PRKD1: variants seen among roughly 807,000 people sequenced by gnomAD.
PRKD1 encodes the protein serine/threonine-protein kinase D1.
A neutral mutation model predicts 95.9 loss-of-function variants in PRKD1; 63 were observed. The ratio of observed to expected loss-of-function variants is 0.66; its 90% CI spans 0.54 to 0.81. The LOEUF (loss-of-function observed/expected upper bound fraction) is 0.81. PRKD1 is among the 30% of genes least tolerant of loss of function. PRKD1 has a pLI of 0.00. For synonymous variants in PRKD1, 425 were observed against 423.1 expected, an observed-to-expected ratio of 1.00 and a Z score of -0.05; for missense variants, 1,048 against 1,165.3, an observed-to-expected ratio of 0.90 and a Z score of 1.47.
intron 1 of PRKD1, among the ~76,000 whole-genome samples, chr14:29,774,710 A>C (rs1349811936): frequency 6.6e-6 from 1 of 151,540 alleles, no homozygotes; most frequent in Non-Finnish European, 1.5e-5. Flanking sequence ...CATTATCTTC[A>C]TTTAAAGAGG....
chr14:29,848,750 A>C (rs1892182492), intron 1 of PRKD1, among the ~76,000 whole-genome samples: 1 of 151,702 alleles, frequency 6.6e-6, no homozygotes, highest in South Asian at 2.1e-4. Flanking sequence ...GTCTGCAAAA[A>C]ACACCTGATG....
intron 16 of PRKD1, among the ~76,000 whole-genome samples, chr14:29,590,388 AT>A (rs1385446678): frequency 1.3e-5 from 2 of 152,184 alleles, no homozygotes; most frequent in African/African-American, 4.8e-5. Context: ...TGTGACATTT[AT>A]TAAAAACGTT....
chr14:29,833,716 A>G (rs11624891), intron 1 of PRKD1, among the ~76,000 whole-genome samples: 2,736 of 152,134 alleles, frequency 0.018, 58 homozygotes, highest in South Asian at 0.098. Context: ...CTCCATATCC[A>G]TTTTCTGAGT....
At chr14:29,870,922 G>A (rs954394130) in intron 1 of PRKD1, among the ~76,000 whole-genome samples, 2 of 152,146 alleles carry the variant, frequency 1.3e-5, no homozygotes, top group African/African-American at 4.8e-5. Flanking sequence ...CTATCAACAT[G>A]TTAAGCTATT....
At chr14:29,612,641 T>C (rs1476188130) in intron 13 of PRKD1, among the ~76,000 whole-genome samples, 1 of 152,240 alleles carries the variant, frequency 6.6e-6, no homozygotes, top group Non-Finnish European at 1.5e-5. Context: ...AATATCTATT[T>C]GGAAAATTTT....
intron 1 of PRKD1, among the ~76,000 whole-genome samples, chr14:29,859,020 C>G (rs1293492426): frequency 6.6e-6 from 1 of 152,156 alleles, no homozygotes; most frequent in Non-Finnish European, 1.5e-5. Flanking sequence ...AAGGTCTTTA[C>G]TACTAAACCA....
intron 1 of PRKD1, among the ~76,000 whole-genome samples, chr14:29,810,633 A>T (rs1251939690): frequency 6.6e-6 from 1 of 152,244 alleles, no homozygotes; most frequent in Non-Finnish European, 1.5e-5. Context: ...CATGTAAAGC[A>T]GTTTCAATGT....
chr14:29,927,137 C>T, intron 1 of PRKD1, 112 bp downstream of exon 1: 5 of 1,172,814 alleles, frequency 4.3e-6, no homozygotes, highest in Non-Finnish European at 2.1e-6. Context: ...GCCGGCGAGG[C>T]TGGCGGCCAG....
intron 1 of PRKD1, among the ~76,000 whole-genome samples, chr14:29,823,434 C>T (rs561931750): frequency 6.6e-6 from 1 of 152,074 alleles, no homozygotes; most frequent in Non-Finnish European, 1.5e-5. Context: ...CATTCAAATG[C>T]AAATGTTAAA....
At chr14:29,793,240 T>C (rs1889629732) in intron 1 of PRKD1, among the ~76,000 whole-genome samples, 1 of 151,984 alleles carries the variant, frequency 6.6e-6, no homozygotes, top group Admixed American at 6.6e-5. Flanking sequence ...AAGACATCCA[T>C]TTCTATATCT....
intron 1 of PRKD1, among the ~76,000 whole-genome samples, chr14:29,847,386 G>C (rs1892121252): frequency 6.6e-6 from 1 of 152,070 alleles, no homozygotes; most frequent in Non-Finnish European, 1.5e-5. Flanking sequence ...TATACAACAT[G>C]AGGTTCTTTT....
intron 1 of PRKD1, among the ~76,000 whole-genome samples, chr14:29,910,777 C>A (rs1473567557): frequency 6.6e-6 from 1 of 152,126 alleles, no homozygotes; most frequent in African/African-American, 2.4e-5. Flanking sequence ...GTGATAGAAT[C>A]ACTGATAGAA....
At chr14:29,925,112 T>C (rs930685643) in intron 1 of PRKD1, among the ~76,000 whole-genome samples, 1 of 152,150 alleles carries the variant, frequency 6.6e-6, no homozygotes, top group East Asian at 1.9e-4. Flanking sequence ...AGTCAAACTT[T>C]TCAAACTTCT....
intron 2 of PRKD1, among the ~76,000 whole-genome samples, chr14:29,674,273 A>C (rs573104042): frequency 6.6e-6 from 1 of 152,282 alleles, no homozygotes; most frequent in South Asian, 2.1e-4. Context: ...CTCTTCTACT[A>C]CCTTATAAAG....
chr14:29,770,515 T>G (rs1286262086), intron 1 of PRKD1, among the ~76,000 whole-genome samples: 1 of 152,158 alleles, frequency 6.6e-6, no homozygotes, highest in Admixed American at 6.5e-5. Context: ...CCCATTCTGA[T>G]GAAATCTGAC....
At chr14:29,876,111 T>C (rs1893278582) in intron 1 of PRKD1, among the ~76,000 whole-genome samples, 1 of 152,242 alleles carries the variant, frequency 6.6e-6, no homozygotes, top group Admixed American at 6.5e-5. Context: ...GCCTCCCATT[T>C]GCTTCAGAGG....
At chr14:29,765,249 T>C (rs531976590) in intron 1 of PRKD1, among the ~76,000 whole-genome samples, 2 of 152,106 alleles carry the variant, frequency 1.3e-5, no homozygotes, top group Admixed American at 6.5e-5. Flanking sequence ...ACATAAACAC[T>C]TCACAAAAGA....
chr14:29,589,791 T>C (rs1893063994), intron 16 of PRKD1, among the ~76,000 whole-genome samples: 1 of 152,128 alleles, frequency 6.6e-6, no homozygotes, highest in South Asian at 2.1e-4. Context: ...ATAAAAGATC[T>C]AAATCAGTAA....
chr14:29,923,653 G>A (rs1353824624), intron 1 of PRKD1, among the ~76,000 whole-genome samples: 1 of 152,084 alleles, frequency 6.6e-6, no homozygotes, highest in African/African-American at 2.4e-5. Flanking sequence ...ATTCTGAAAA[G>A]TGAAACTATA....
Sources: gnomAD v4.1 joint callset for allele counts (sites outside exome capture counted in the v4.1 genomes callset) on GRCh38, gnomAD v4.1.1 for gene constraint, MANE v1.5 for transcripts, NCBI Gene and HGNC (gene_info 2026-07-23, HGNC 2026-07-21) for gene names.